Variants in CRYBG1 observed in about 807,000 individuals in gnomAD.
CRYBG1 encodes the protein beta/gamma crystallin domain-containing protein 1.
In CRYBG1, 139 loss-of-function variants were observed where a neutral mutation model predicts 189.2. The ratio of observed to expected loss-of-function variants is 0.73; its 90% CI spans 0.64 to 0.85. The LOEUF (loss-of-function observed/expected upper bound fraction) is 0.85, where lower values mean the gene tolerates loss of function less well. CRYBG1 is among the 40% of genes least tolerant of loss of function. CRYBG1 has a pLI of 0.00. For synonymous variants in CRYBG1, 1,023 were observed against 1,017.1 expected, an observed-to-expected ratio of 1.01 and a Z score of -0.11; for missense variants, 2,611 against 2,675.8, an observed-to-expected ratio of 0.98 and a Z score of 0.53.
chr6:106,488,453 T>G (rs28532848), intron 2 of CRYBG1, among the ~76,000 whole-genome samples: 18,674 of 152,130 alleles, frequency 0.12, 1,316 homozygotes, highest in East Asian at 0.27. Context: ...GTCCAACAGT[T>G]GTGCACAACT....
At chr6:106,462,372 C>T (rs186637579) in intron 2 of CRYBG1, among the ~76,000 whole-genome samples, 3 of 151,874 alleles carry the variant, frequency 2.0e-5, no homozygotes, top group Non-Finnish European at 4.4e-5. Context: ...GGGTTTACGC[C>T]GTGGTCTCGA....
At chr6:106,527,621 T>G (rs543895007) in intron 7 of CRYBG1, 151 bp downstream of exon 7, 1 of 810,974 alleles carries the variant, frequency 1.2e-6, no homozygotes, top group East Asian at 3.0e-5. Context: ...TTTGTACACT[T>G]TAAATAATTT....
Position 106,512,897 on chromosome 6 carries a change from C to T in CRYBG1, c.1780C>T (p.His594Tyr). ...PEHKRGPLPN[H>Y]FNGRAEGGRS... ...GCACAAGAGGGGCCCGCTCCCCAACCACTTCAACGGCCGGGCAGAGGGAGG... is the reference window on the plus strand; with the variant it reads ...GCACAAGAGGGGCCCGCTCCCCAACTACTTCAACGGCCGGGCAGAGGGAGG... Residue 594 changes from histidine (H) to tyrosine (Y), a missense_variant, in exon 3 of 22, where the codon CAC becomes TAC. Physicochemically the swap from His to Tyr is moderately conservative, Grantham distance 83. Transcript: ENST00000633556. 1 of 1,602,496 alleles carries T rather than the reference C, an allele frequency of 6.2e-7. No individual in the cohort carries two copies. The highest frequency in any genetic ancestry group is 8.5e-7 in the Non-Finnish European group (1 of 1,174,820).
intron 1 of CRYBG1, among the ~76,000 whole-genome samples, chr6:106,380,786 C>G (rs918545639): frequency 1.3e-5 from 2 of 152,020 alleles, no homozygotes; most frequent in South Asian, 4.2e-4. Flanking sequence ...ATAATTTTTA[C>G]AGGAAAGTTT....
chr6:106,512,460 TCGA>T lies in CRYBG1; in HGVS notation c.1350_1352del (p.Asp450del), dbSNP rs779534062. 14 of 1,610,966 alleles carry T rather than the reference TCGA, an allele frequency of 8.7e-6. No individual in the cohort carries two copies. The highest frequency in any genetic ancestry group is 1.1e-5 in the Non-Finnish European group (13 of 1,179,060). ...AGCGCTGCCAGGGACGACGCGGTGT[TCGA>T]CGACGAGGTGGCGCCAAACGCGGCC... is the stretch of plus-strand genomic sequence containing the variant. On this transcript the variant is annotated inframe_deletion, in exon 3 of 22. Transcript: ENST00000633556.
chr6:106,517,036 G>A (rs1461299570), intron 3 of CRYBG1, among the ~76,000 whole-genome samples: 1 of 126,248 alleles, frequency 7.9e-6, no homozygotes, highest in Non-Finnish European at 1.6e-5. Flanking sequence ...TTGAGACAGA[G>A]TCTCACTTTG....
At chr6:106,456,675 C>G (rs1180589339) in intron 2 of CRYBG1, among the ~76,000 whole-genome samples, 1 of 152,188 alleles carries the variant, frequency 6.6e-6, no homozygotes, top group Admixed American at 6.5e-5. Context: ...ATCTATCCCT[C>G]TGTTTCATTT....
At chr6:106,361,688 T>C (rs35106340) in intron 1 of CRYBG1, among the ~76,000 whole-genome samples, 2 of 152,216 alleles carry the variant, frequency 1.3e-5, no homozygotes, top group African/African-American at 4.8e-5. Flanking sequence ...GTAGTTACCA[T>C]TGTGCTTTTT....
At chr6:106,455,287 A>C (rs17319855) in intron 2 of CRYBG1, among the ~76,000 whole-genome samples, 5,047 of 152,220 alleles carry the variant, frequency 0.033, 119 homozygotes, top group Admixed American at 0.051. Context: ...ACAAACACGA[A>C]TTGGATAACT....
intron 3 of CRYBG1, among the ~76,000 whole-genome samples, chr6:106,517,339 T>TAC (rs201866667): frequency 0.11 from 13,741 of 127,064 alleles, 1,174 homozygotes; most frequent in African/African-American, 0.22. Context: ...CACATATATA[T>TAC]ATACACACAC....
chr6:106,383,566 G>A (rs951903555), intron 1 of CRYBG1, among the ~76,000 whole-genome samples: 1 of 152,152 alleles, frequency 6.6e-6, no homozygotes, highest in Non-Finnish European at 1.5e-5. Flanking sequence ...ACACAGACTA[G>A]AATAATAGAA....
Position 106,520,226 on chromosome 6 carries a change from A to G in CRYBG1, c.3018A>G (p.Gln1006=), listed in dbSNP as rs1188548358. The G allele has an allele frequency of 6.2e-7, 1 of 1,614,182 alleles. No individual in the cohort carries two copies. The highest frequency in any genetic ancestry group is 8.5e-7 in the Non-Finnish European group (1 of 1,180,028). The change falls in exon 4 of 22, where the codon CAA becomes CAG. Residue 1006 remains glutamine, a synonymous_variant. Transcript: ENST00000633556. Reference sequence around the variant, plus strand: ...CCGTTGCAAGTTGTGCTCCCCCACAAGAGGAAGTACTGGGCAATGAACACT... The same window carrying G: ...CCGTTGCAAGTTGTGCTCCCCCACAGGAGGAAGTACTGGGCAATGAACACT... ...VVSVASCAPP[Q]EEVLGNEHSH...
At chr6:106,555,093 A>C (rs956546302) in intron 16 of CRYBG1, among the ~76,000 whole-genome samples, 11 of 151,462 alleles carry the variant, frequency 7.3e-5, no homozygotes, top group African/African-American at 2.4e-4. Flanking sequence ...TGAACCCAGG[A>C]GGCAGAGGTT....
rs4946759 is a variant in CRYBG1, at chr6:106,512,086, A to C, written c.969A>C (p.Glu323Asp). The change falls in exon 3 of 22, where the codon GAA becomes GAC. Residue 323 changes from glutamate (E) to aspartate (D), a missense_variant. Coordinates refer to ENST00000633556, the MANE Select transcript of CRYBG1 (RefSeq NM_001371242.2). ...PNGAPSVCAEEGSLGPRNARS... is the reference protein window; with the variant it reads ...PNGAPSVCAEDGSLGPRNARS... ...GAGCCCCCAGTGTGTGTGCCGAAGA[A>C]GGCTCCCTGGGGCCCCGCAACGCCC... 6 of 1,534,322 alleles carry C rather than the reference A, an allele frequency of 3.9e-6. No homozygotes were observed. In the African/African-American group the frequency reaches 4.1e-5, roughly 11 times the overall value.
At chr6:106,550,480 T>C (rs1774371229) in intron 13 of CRYBG1, among the ~76,000 whole-genome samples, 3 of 152,260 alleles carry the variant, frequency 2.0e-5, no homozygotes, top group Admixed American at 1.3e-4. Flanking sequence ...TATCTTTGCA[T>C]AGGAAATAGC....
chr6:106,394,539 A>G (rs1770569216), intron 1 of CRYBG1, among the ~76,000 whole-genome samples: 3 of 152,272 alleles, frequency 2.0e-5, no homozygotes, highest in African/African-American at 7.2e-5. Context: ...TAAACCGAAC[A>G]TGAGGGCACA....
intron 2 of CRYBG1, among the ~76,000 whole-genome samples, chr6:106,463,696 AGTT>A (rs1360419352): frequency 2.0e-5 from 3 of 152,208 alleles, no homozygotes; most frequent in Non-Finnish European, 2.9e-5. Context: ...TAAAGCCTTT[AGTT>A]GTTTCTTGCA....
intron 8 of CRYBG1, among the ~76,000 whole-genome samples, chr6:106,532,243 G>C (rs13212508): frequency 0.51 from 77,003 of 151,880 alleles, 19,928 homozygotes; most frequent in South Asian, 0.68. Context: ...CCCTACTGTG[G>C]AATAGAACAC....
Position 106,563,865 on chromosome 6 carries a change from C to CT in CRYBG1, c.6242dup (p.Leu2081PhefsTer20). Reference sequence around the variant, plus strand: ...AGAATGCTGACAGCCAGTTCTGGAGCTTGAAGTCCGATGGCAGGATTTACA... The same window carrying CT: ...AGAATGCTGACAGCCAGTTCTGGAGCTTTGAAGTCCGATGGCAGGATTTACA... On this transcript the variant is annotated frameshift_variant, in exon 21 of 22. Coordinates refer to ENST00000633556, the MANE Select transcript of CRYBG1 (RefSeq NM_001371242.2). LOFTEE classifies it high-confidence loss of function. The CT allele has an allele frequency of 1.9e-6, 3 of 1,613,552 alleles. No homozygotes were observed. The highest frequency in any genetic ancestry group is 2.5e-6 in the Non-Finnish European group (3 of 1,179,494).
Sources: gnomAD v4.1 joint callset for allele counts (sites outside exome capture counted in the v4.1 genomes callset) on GRCh38, gnomAD v4.1.1 for gene constraint, MANE v1.5 for transcripts, NCBI Gene and HGNC (gene_info 2026-07-23, HGNC 2026-07-21) for gene names.